The following KIAA1217 variants were observed in gnomAD, a reference collection of about 807,000 sequenced individuals.
The protein encoded by KIAA1217 is KIAA1217.
In KIAA1217, 88 loss-of-function variants were observed where a neutral mutation model predicts 163.9. The observed-to-expected ratio is 0.54, with a 90% CI of 0.45 to 0.64. The LOEUF (loss-of-function observed/expected upper bound fraction) is 0.64. KIAA1217 is among the 30% of genes least tolerant of loss of function. KIAA1217 has a pLI of 0.00. For missense variants in KIAA1217, 2,372 were observed against 2,475.0 expected, an observed-to-expected ratio of 0.96 and a Z score of 0.88; for synonymous variants, 903 against 923.1, an observed-to-expected ratio of 0.98 and a Z score of 0.39.
In KIAA1217 at chr10:24,162,533, G is replaced by A. The variant is rs190648759; in HGVS notation, c.-170-57093G>A. On this transcript the variant is annotated intron_variant, in intron 2 of 18. Transcript: ENST00000376462. The stretch of plus-strand genomic sequence containing the variant: ...CCTCTGTGCAAGGAGTGAGAAGGTA[G>A]CATTGTCACTAAGTAATGCAGCCCA... 1.8e-4 allele frequency among the ~76,000 whole-genome samples: 28 copies of A among 152,332 alleles called. No homozygotes were observed. The East Asian group carries it at 5.2e-3, about 28-fold the overall frequency.
intron 1 of KIAA1217, among the ~76,000 whole-genome samples, chr10:23,825,153 C>T (rs561256364): frequency 1.5e-4 from 23 of 152,148 alleles, no homozygotes; most frequent in Non-Finnish European, 2.5e-4. Flanking sequence ...AGTCTGCAAA[C>T]CCTATTAGTG....
intron 13 of KIAA1217, among the ~76,000 whole-genome samples, chr10:24,524,965 G>GGAAGGTGAGACACCTGGCCTGTAA (rs2071872710): frequency 7.6e-6 from 1 of 132,094 alleles, no homozygotes; most frequent in South Asian, 2.1e-4. Context: ...CTGGCCTGTA[G>GGAAGGTGAGACACCTGGCCTGTAA]GAAGGTGAGA....
intron 6 of KIAA1217, among the ~76,000 whole-genome samples, chr10:24,491,289 T>C (rs1443715905): frequency 1.3e-5 from 1 of 74,282 alleles, no homozygotes; most frequent in Non-Finnish European, 3.0e-5. Context: ...TTTTTTCCTT[T>C]TTTTTTTTTT....
intron 2 of KIAA1217, among the ~76,000 whole-genome samples, chr10:24,077,947 T>C (rs542300797): frequency 2.6e-5 from 4 of 152,314 alleles, no homozygotes; most frequent in African/African-American, 9.6e-5. Flanking sequence ...ATCAGTGGTG[T>C]TGAGCTTTTT....
At chr10:24,503,983 T>C (rs1460530006) in intron 9 of KIAA1217, among the ~76,000 whole-genome samples, 1 of 152,238 alleles carries the variant, frequency 6.6e-6, no homozygotes, top group Non-Finnish European at 1.5e-5. Context: ...AATGCCGCAC[T>C]TCCCCTGGGA....
intron 1 of KIAA1217, among the ~76,000 whole-genome samples, chr10:23,836,353 C>T (rs1191338861): frequency 1.3e-5 from 2 of 151,960 alleles, no homozygotes; most frequent in Non-Finnish European, 2.9e-5. Context: ...TCCAATATGA[C>T]TGATATCCTT....
chr10:24,404,492 G>T (rs1023225532), intron 3 of KIAA1217, among the ~76,000 whole-genome samples: 1 of 150,112 alleles, frequency 6.7e-6, no homozygotes, highest in South Asian at 2.1e-4. Flanking sequence ...TCTTGAACCC[G>T]GGAGGCAGAG....
At chr10:23,952,719 A>G (rs1844395759) in intron 1 of KIAA1217, among the ~76,000 whole-genome samples, 1 of 152,234 alleles carries the variant, frequency 6.6e-6, no homozygotes, top group Non-Finnish European at 1.5e-5. Context: ...TTGTGTTGTT[A>G]CAAGGAACAA....
chr10:24,119,955 C>T (rs2063214901), intron 2 of KIAA1217, among the ~76,000 whole-genome samples: 1 of 152,250 alleles, frequency 6.6e-6, no homozygotes, highest in Admixed American at 6.5e-5. Context: ...AGGAGAAAGA[C>T]AATGGGTGAA....
intron 2 of KIAA1217, among the ~76,000 whole-genome samples, chr10:24,039,189 C>A (rs1351111826): frequency 2.0e-5 from 3 of 152,052 alleles, no homozygotes; most frequent in Admixed American, 1.3e-4. Flanking sequence ...TTTGGAAAAA[C>A]CACCCTGGCC....
rs1410703059 is a variant in KIAA1217 at position 23,824,635 on chromosome 10, AAAAAAAAAAAAAAAAT to A, written c.-321+129410_-321+129425del. 4.1e-3 allele frequency among the ~76,000 whole-genome samples: 218 copies of A among 53,096 alleles called. 4 individuals carry two copies. The highest frequency in any genetic ancestry group is 0.039 in the South Asian group (65 of 1,686). The allele number at this position is 53,096 out of a possible 152,430, so 34.8% of individuals were successfully genotyped here. A position where few individuals can be genotyped will look rare whatever the true frequency, so the allele number is the denominator to read the frequency against. On this transcript the variant is annotated intron_variant, in intron 1 of 18. Coordinates refer to the KIAA1217 transcript ENST00000376462. Reference sequence around the variant, plus strand: ...AAGAGTGAAACTCTGTCTCAAGAAAAAAAAAAAAAAAAAAATAAAAAAAATATATATATATATATAT... The same window carrying A: ...AAGAGTGAAACTCTGTCTCAAGAAAAAAAAAAAATATATATATATATATAT...
intron 1 of KIAA1217, among the ~76,000 whole-genome samples, chr10:23,957,508 G>A (rs1413934109): frequency 6.6e-6 from 1 of 152,142 alleles, no homozygotes; most frequent in African/African-American, 2.4e-5. Flanking sequence ...GATCACCTGA[G>A]GTCAAGAGTT....
intron 2 of KIAA1217, among the ~76,000 whole-genome samples, chr10:24,333,265 T>C (rs2045928491): frequency 6.6e-6 from 1 of 152,162 alleles, no homozygotes; most frequent in Non-Finnish European, 1.5e-5. Context: ...CCTCAAGTGA[T>C]CTGCCCACCT....
At chr10:24,319,260 C>A (rs1201991872) in intron 2 of KIAA1217, among the ~76,000 whole-genome samples, 3 of 151,734 alleles carry the variant, frequency 2.0e-5, no homozygotes, top group Non-Finnish European at 4.4e-5. Flanking sequence ...TGTCTAATCC[C>A]AGCTACTCAG....
chr10:24,278,854 C>CTTT (rs11288814), intron 2 of KIAA1217, among the ~76,000 whole-genome samples: 33 of 140,840 alleles, frequency 2.3e-4, no homozygotes, highest in East Asian at 1.7e-3. Flanking sequence ...ACTCAGATTA[C>CTTT]TTTTTTTTTT....
At chr10:24,381,845 A>T (rs1403188236) in intron 3 of KIAA1217, among the ~76,000 whole-genome samples, 2 of 152,040 alleles carry the variant, frequency 1.3e-5, no homozygotes, top group African/African-American at 4.8e-5. Flanking sequence ...CCAGTGGAGG[A>T]GATGACAAAA....
chr10:23,909,676 C>T (rs1231956123), intron 1 of KIAA1217, among the ~76,000 whole-genome samples: 1 of 152,200 alleles, frequency 6.6e-6, no homozygotes, highest in East Asian at 1.9e-4. Flanking sequence ...GCCACATTTT[C>T]TTTATCCAGT....
intron 1 of KIAA1217, among the ~76,000 whole-genome samples, chr10:23,763,053 C>G (rs1254670665): frequency 1.3e-5 from 2 of 152,040 alleles, no homozygotes; most frequent in African/African-American, 4.8e-5. Flanking sequence ...ATACAGCTAA[C>G]AAGGCTGTGA....
intron 3 of KIAA1217, among the ~76,000 whole-genome samples, chr10:24,395,123 T>G (rs2055539908): frequency 6.6e-6 from 1 of 152,174 alleles, no homozygotes; most frequent in Admixed American, 6.5e-5. Flanking sequence ...CATAAGGGCA[T>G]GTGAATCAGT....
Sources: gnomAD v4.1 joint callset for allele counts (sites outside exome capture counted in the v4.1 genomes callset) on GRCh38, gnomAD v4.1.1 for gene constraint, MANE v1.5 for transcripts, NCBI Gene and HGNC (gene_info 2026-07-23, HGNC 2026-07-21) for gene names.